Variants in MAP4 observed in about 807,000 individuals in gnomAD.
The protein encoded by MAP4 is microtubule-associated protein 4.
In MAP4, 76 loss-of-function variants were observed where a neutral mutation model predicts 170.2. That is an observed-to-expected ratio of 0.45 (90% CI 0.37 to 0.54). The LOEUF is 0.54. MAP4 is among the 20% of genes least tolerant of loss of function. The pLI is 0.00. For synonymous variants in MAP4, 909 were observed against 994.5 expected, an observed-to-expected ratio of 0.91 and a Z score of 1.62; for missense variants, 2,506 against 2,748.0, an observed-to-expected ratio of 0.91 and a Z score of 1.97.
At chr3:47,864,014 G>C (rs2074780964) in intron 17 of MAP4, among the ~76,000 whole-genome samples, 1 of 150,644 alleles carries the variant, frequency 6.6e-6, no homozygotes, top group Admixed American at 6.6e-5. Context: ...GTCTCTCTCT[G>C]TCACCCAGGC....
chr3:48,053,783 G>T (rs2100129173), intron 1 of MAP4, among the ~76,000 whole-genome samples: 1 of 151,966 alleles, frequency 6.6e-6, no homozygotes, highest in Non-Finnish European at 1.5e-5. Flanking sequence ...TACCAAATTG[G>T]TGCTATATTC....
chr3:48,078,062 TG>T (rs1427570237), intron 1 of MAP4, among the ~76,000 whole-genome samples: 1 of 152,158 alleles, frequency 6.6e-6, no homozygotes, highest in Non-Finnish European at 1.5e-5. Context: ...AGGTTTCTTT[TG>T]GGGGTAATGA....
intron 1 of MAP4, among the ~76,000 whole-genome samples, chr3:48,028,363 A>G (rs944672277): frequency 6.6e-6 from 1 of 151,924 alleles, no homozygotes; most frequent in African/African-American, 2.4e-5. Flanking sequence ...ATCAACATCA[A>G]CTCTAAACAT....
At chr3:48,044,465 A>C (rs1279056524) in intron 1 of MAP4, among the ~76,000 whole-genome samples, 1 of 151,556 alleles carries the variant, frequency 6.6e-6, no homozygotes, top group East Asian at 2.0e-4. Flanking sequence ...GCCACTCTGT[A>C]ATTTTTAAAA....
rs1347292777 is a variant in MAP4, at chr3:47,992,111, A to T, written c.223+6527T>A. 2.6e-5 allele frequency among the ~76,000 whole-genome samples: 4 copies of T among 152,336 alleles called. No homozygotes were observed. In the East Asian group the frequency reaches 7.7e-4, roughly 29 times the overall value. On this transcript the variant is annotated intron_variant, in intron 2 of 20. Coordinates refer to ENST00000683076, the MANE Select transcript of MAP4 (RefSeq NM_001385682.1). ...TAGGGCCCTTCCATCACTTCTAAAGATGTATTCAGAAGAACATCTTGTTTA... is the reference window on the plus strand; with the variant it reads ...TAGGGCCCTTCCATCACTTCTAAAGTTGTATTCAGAAGAACATCTTGTTTA...
Position 48,043,528 on chromosome 3 carries a change from G to A in MAP4, c.-19-44649C>T, listed in dbSNP as rs57321169. Among the ~76,000 whole-genome samples the A allele has an allele frequency of 3.4e-3, 520 of 152,276 alleles. 3 individuals carry two copies. Among genetic ancestry groups the A allele is most frequent in the African/African-American group, 0.012 (487 of 41,558 alleles). On this transcript the variant is annotated intron_variant, in intron 1 of 18. Coordinates refer to the MAP4 transcript ENST00000360240. Reference sequence around the variant, plus strand: ...TCCTATGAGATTATTCTTAATACTAGCTTTAAGGATATTTCCTTTTTGCAT... The same window carrying A: ...TCCTATGAGATTATTCTTAATACTAACTTTAAGGATATTTCCTTTTTGCAT...
Position 47,862,747 on chromosome 3 carries a change from G to A in MAP4, c.6501+4499C>T, listed in dbSNP as rs373851623. ...CTGCCTCAGCCTCCCAAATTGCTGGGATTACAGGTGTGAGCCACCGCGCCC... is the reference window on the plus strand; with the variant it reads ...CTGCCTCAGCCTCCCAAATTGCTGGAATTACAGGTGTGAGCCACCGCGCCC... On this transcript the variant is annotated intron_variant, in intron 17 of 20. Transcript: ENST00000683076. 7.4e-4 allele frequency among the ~76,000 whole-genome samples: 113 copies of A among 152,192 alleles called. 1 individual carries two copies. The highest frequency in any genetic ancestry group is 2.6e-3 in the African/African-American group (109 of 41,544).
At chr3:47,955,559 CAT>C (rs1383572991) in intron 3 of MAP4, among the ~76,000 whole-genome samples, 1 of 151,756 alleles carries the variant, frequency 6.6e-6, no homozygotes, top group Non-Finnish European at 1.5e-5. Context: ...TTTAGTAAGA[CAT>C]ATACAAAGTA....
In MAP4 at chr3:47,910,511, T is replaced by C. The variant is rs1189327718; in HGVS notation, c.3910A>G (p.Asn1304Asp). The C allele has an allele frequency of 1.3e-6, 2 of 1,535,970 alleles. No individual in the cohort carries two copies. Among genetic ancestry groups the C allele is most frequent in the Non-Finnish European group, 1.7e-6 (2 of 1,146,910 alleles). The change falls in exon 9 of 21, where the codon AAC becomes GAC. Residue 1304 changes from asparagine to aspartate, a missense_variant. Transcript: ENST00000683076. ...GAAGCCTTGACTGTGCTTATCTTGT[T>C]TTCCCCAAGAGTCCCAAGCTCAACA... ...NFVELGTLGENKISTVKASTV... is the reference protein window; with the variant it reads ...NFVELGTLGEDKISTVKASTV...
intron 3 of MAP4, chr3:47,960,619 CA>C: frequency 5.5e-6 from 1 of 181,280 alleles, no homozygotes; most frequent in East Asian, 1.5e-4. Context: ...AGACAATCTT[CA>C]ATGCCCACTT....
intron 2 of MAP4, among the ~76,000 whole-genome samples, chr3:47,984,815 A>T (rs2100087609): frequency 6.6e-6 from 1 of 152,050 alleles, no homozygotes; most frequent in Admixed American, 6.6e-5. Flanking sequence ...ATAAAGATAC[A>T]AAAATTAGCC....
At chr3:47,919,714 C>T (rs1232114916) in intron 5 of MAP4, among the ~76,000 whole-genome samples, 1 of 152,178 alleles carries the variant, frequency 6.6e-6, no homozygotes, top group East Asian at 1.9e-4. Flanking sequence ...AATCAACATT[C>T]ACTGGCTACT....
rs865790460 is a variant in MAP4, at chr3:47,952,660, A to T, written c.293-24310T>A. On this transcript the variant is annotated intron_variant, in intron 3 of 20. Coordinates refer to ENST00000683076, the MANE Select transcript of MAP4 (RefSeq NM_001385682.1). The stretch of plus-strand genomic sequence containing the variant: ...ATGGAAAAAATAAATAAATAAATTA[A>T]AAAAAAAATAAAAATAAAAATAAAA... Among the ~76,000 whole-genome samples, 13 of 147,602 alleles carry T rather than the reference A, an allele frequency of 8.8e-5. No homozygotes were observed. The South Asian group carries it at 1.1e-3, about 12-fold the overall frequency.
At chr3:48,052,948 C>G (rs2100128702) in intron 1 of MAP4, among the ~76,000 whole-genome samples, 1 of 151,934 alleles carries the variant, frequency 6.6e-6, no homozygotes, top group Non-Finnish European at 1.5e-5. Context: ...ATTTCAATTT[C>G]AACTCCATGT....
chr3:47,879,153 T>G (rs2096157163), intron 10 of MAP4, among the ~76,000 whole-genome samples: 1 of 152,024 alleles, frequency 6.6e-6, no homozygotes, highest in Non-Finnish European at 1.5e-5. Flanking sequence ...GTTATTATGG[T>G]AGAAATATCA....
chr3:48,079,875 G>A lies in MAP4; in HGVS notation c.-20+8898C>T, dbSNP rs568272593. 7.9e-5 allele frequency among the ~76,000 whole-genome samples: 12 copies of A among 151,542 alleles called. No homozygotes were observed. In the South Asian group the frequency reaches 2.1e-3, roughly 26 times the overall value. The stretch of plus-strand genomic sequence containing the variant: ...TGAGGCAGGAGCATGGCGTGAACCC[G>A]GGAGGCGGAGCTTGCAGTGAGCCGA... On this transcript the variant is annotated intron_variant, in intron 1 of 18. Transcript: ENST00000360240.
At chr3:48,062,013 C>A (rs1246089458) in intron 1 of MAP4, among the ~76,000 whole-genome samples, 3 of 152,160 alleles carry the variant, frequency 2.0e-5, no homozygotes, top group Non-Finnish European at 4.4e-5. Flanking sequence ...CAACAGCTCA[C>A]TGGGAACGGG....
intron 1 of MAP4, among the ~76,000 whole-genome samples, chr3:48,087,743 GCGCACACACACACACACA>G (rs1168665197): frequency 1.5e-5 from 1 of 67,948 alleles, no homozygotes; most frequent in Non-Finnish European, 3.1e-5. Context: ...ACACACGCAC[GCGCACACACACACACACA>G]CACACACACA....
intron 1 of MAP4, among the ~76,000 whole-genome samples, chr3:48,034,424 C>T (rs565861047): frequency 9.9e-5 from 15 of 152,100 alleles, no homozygotes; most frequent in Non-Finnish European, 2.2e-4. Flanking sequence ...ACTTAGGGGC[C>T]CAGCACAGTG....
Sources: allele counts gnomAD v4.1 joint callset (sites outside exome capture counted in the v4.1 genomes callset), GRCh38; gene constraint gnomAD v4.1.1; transcripts MANE v1.5; gene names NCBI Gene and HGNC (gene_info 2026-07-23, HGNC 2026-07-21).